Variants in GRID2 observed in about 807,000 individuals in gnomAD.
GRID2 encodes the protein glutamate ionotropic receptor delta type subunit 2, also known as glutamate receptor ionotropic, delta-2.
A neutral mutation model predicts 114.8 loss-of-function variants in GRID2; 33 were observed. The ratio of observed to expected loss-of-function variants is 0.29; its 90% confidence interval spans 0.22 to 0.38. The LOEUF (loss-of-function observed/expected upper bound fraction) is 0.38, where lower values mean the gene tolerates loss of function less well. Among genes scored for constraint, GRID2 ranks in the 10% least tolerant of loss-of-function variants. The pLI is 1.00. For synonymous variants in GRID2, 505 were observed against 449.9 expected, an observed-to-expected ratio of 1.12 and a Z score of -1.55; for missense variants, 1,184 against 1,257.7, an observed-to-expected ratio of 0.94 and a Z score of 0.89.
intron 3 of GRID2, among the ~76,000 whole-genome samples, chr4:93,100,874 A>G (rs1236771357): frequency 1.3e-5 from 2 of 152,068 alleles, no homozygotes; most frequent in Admixed American, 1.3e-4. Context: ...CAATAATCAG[A>G]CTGAGAATTA....
chr4:93,683,209 A>G (rs1725755122), intron 14 of GRID2, among the ~76,000 whole-genome samples: 1 of 151,954 alleles, frequency 6.6e-6, no homozygotes, highest in African/African-American at 2.4e-5. Context: ...TTCCACCTAT[A>G]GGCCTGCTTC....
chr4:93,187,441 A>G (rs564430832), intron 4 of GRID2, among the ~76,000 whole-genome samples: 2 of 151,934 alleles, frequency 1.3e-5, no homozygotes, highest in African/African-American at 4.8e-5. Flanking sequence ...ACACCCAACT[A>G]ATTTTTGTGT....
chr4:93,001,526 T>C (rs999211010), intron 2 of GRID2, among the ~76,000 whole-genome samples: 13 of 151,780 alleles, frequency 8.6e-5, no homozygotes, highest in Admixed American at 7.9e-4. Flanking sequence ...CTTTGCATAA[T>C]AGTGAGTGTT....
At chr4:92,590,102 A>ATTGAGCTT (rs1553904247) in intron 1 of GRID2, 29 bp from the exon 2 acceptor site, 1 of 1,524,004 alleles carries the variant, frequency 6.6e-7, no homozygotes, top group Admixed American at 1.7e-5. Context: ...TTATGTTATT[A>ATTGAGCTT]TTTAATGGCA....
intron 14 of GRID2, among the ~76,000 whole-genome samples, chr4:93,739,995 G>A (rs771435813): frequency 1.3e-5 from 2 of 152,098 alleles, no homozygotes; most frequent in African/African-American, 2.4e-5. Context: ...AGTTACCCTT[G>A]ATTGAGGCTT....
At chr4:93,088,179 T>A (rs1730487291) in intron 3 of GRID2, among the ~76,000 whole-genome samples, 1 of 152,158 alleles carries the variant, frequency 6.6e-6, no homozygotes, top group African/African-American at 2.4e-5. Context: ...ATGTCTACTT[T>A]AAATTCCTTA....
chr4:92,899,908 A>T, intron 2 of GRID2, among the ~76,000 whole-genome samples: 1 of 152,128 alleles, frequency 6.6e-6, no homozygotes, highest in Non-Finnish European at 1.5e-5. Context: ...TATGGAGGAG[A>T]GTTGCTTGTA....
chr4:93,786,682 A>C (rs946132333), intron 1 of GRID2, among the ~76,000 whole-genome samples: 2 of 152,250 alleles, frequency 1.3e-5, no homozygotes, highest in African/African-American at 4.8e-5. Context: ...GAGAGGTCAG[A>C]AATTTAAGAA....
chr4:93,121,941 GT>G (rs1329281582), intron 4 of GRID2, among the ~76,000 whole-genome samples: 1 of 152,122 alleles, frequency 6.6e-6, no homozygotes, highest in Non-Finnish European at 1.5e-5. Context: ...TGGAGTGCCT[GT>G]TGAAGTTATA....
chr4:92,548,749 G>A lies in GRID2; in HGVS notation c.89-41382G>A, dbSNP rs1241606223. ...TAATCAGCTCATGATTTCACAGGCT[G>A]TAAAGGAAGCATGGCAGCATCTGGT... On this transcript the variant is annotated intron_variant, in intron 1 of 15. Coordinates refer to ENST00000282020, the MANE Select transcript of GRID2 (RefSeq NM_001510.4). 2.6e-5 allele frequency among the ~76,000 whole-genome samples: 4 copies of A among 152,012 alleles called. No individual in the cohort carries two copies. The East Asian group carries it at 5.8e-4, about 22-fold the overall frequency.
At chr4:93,311,131 A>T (rs1579630209) in intron 8 of GRID2, among the ~76,000 whole-genome samples, 1 of 152,178 alleles carries the variant, frequency 6.6e-6, no homozygotes, top group African/African-American at 2.4e-5. Context: ...GCTGCTCCCC[A>T]CTTGAAAAGC....
At chr4:93,470,910 G>A (rs1274343981) in intron 11 of GRID2, among the ~76,000 whole-genome samples, 3 of 89,124 alleles carry the variant, frequency 3.4e-5, no homozygotes, top group Non-Finnish European at 1.0e-4. Context: ...TTTCTGTTAT[G>A]ATATTGTAAA....
chr4:92,803,889 T>G (rs1740289351), intron 2 of GRID2, among the ~76,000 whole-genome samples: 1 of 152,010 alleles, frequency 6.6e-6, no homozygotes. Flanking sequence ...AATCAGGATG[T>G]CAGTAGAGTC....
chr4:93,604,465 G>T (rs192701926), intron 13 of GRID2, among the ~76,000 whole-genome samples: 2 of 152,256 alleles, frequency 1.3e-5, no homozygotes, highest in East Asian at 3.9e-4. Flanking sequence ...TCTACTCTTG[G>T]TGAAGATGTT....
intron 1 of GRID2, among the ~76,000 whole-genome samples, chr4:92,355,073 G>A (rs1378883587): frequency 1.3e-5 from 2 of 151,812 alleles, no homozygotes; most frequent in African/African-American, 2.4e-5. Context: ...CATTATCCTA[G>A]CTCAAGCTGC....
intron 2 of GRID2, among the ~76,000 whole-genome samples, chr4:92,592,597 C>T (rs1424236481): frequency 6.6e-6 from 1 of 151,900 alleles, no homozygotes; most frequent in African/African-American, 2.4e-5. Flanking sequence ...CAATAAGGTT[C>T]CCAGATAGAG....
chr4:92,702,081 T>C (rs1024658537), intron 2 of GRID2, among the ~76,000 whole-genome samples: 1 of 152,172 alleles, frequency 6.6e-6, no homozygotes, highest in African/African-American at 2.4e-5. Context: ...GTTTGTTCAA[T>C]GATTAAAGTC....
At chr4:93,217,407 C>T (rs1744357129) in intron 6 of GRID2, 1 of 152,510 alleles carries the variant, frequency 6.6e-6, no homozygotes, top group African/African-American at 2.4e-5. Context: ...AAACCTTCAG[C>T]ATCCAGAATA....
intron 2 of GRID2, among the ~76,000 whole-genome samples, chr4:92,934,560 A>G (rs1750500266): frequency 6.8e-6 from 1 of 146,428 alleles, no homozygotes; most frequent in Non-Finnish European, 1.5e-5. Flanking sequence ...ATGGAACCAA[A>G]AAAGAGCCTG....
Sources: allele counts gnomAD v4.1 joint callset (sites outside exome capture counted in the v4.1 genomes callset), GRCh38; gene constraint gnomAD v4.1.1; transcripts MANE v1.5; gene names NCBI Gene and HGNC (gene_info 2026-07-23, HGNC 2026-07-21).